The following SLC2A9 variants were observed in gnomAD, a reference collection of about 807,000 sequenced individuals.
The protein encoded by SLC2A9 is solute carrier family 2 member 9.
In SLC2A9, 39 loss-of-function variants were observed where a neutral mutation model predicts 50.6. The ratio of observed to expected loss-of-function variants is 0.77; its 90% CI spans 0.60 to 1.01. The LOEUF (loss-of-function observed/expected upper bound fraction) is 1.01. SLC2A9 is among the 50% of genes least tolerant of loss of function. SLC2A9 has a pLI of 0.00. For missense variants in SLC2A9, 686 were observed against 677.6 expected, an observed-to-expected ratio of 1.01 and a Z score of -0.14; for synonymous variants, 324 against 276.9, an observed-to-expected ratio of 1.17 and a Z score of -1.69.
At chr4:9,936,014 C>T (rs2110215184) in intron 6 of SLC2A9, among the ~76,000 whole-genome samples, 1 of 152,300 alleles carries the variant, frequency 6.6e-6, no homozygotes, top group Non-Finnish European at 1.5e-5. Context: ...CATGGCAGCT[C>T]TTCACCCTAG....
At chr4:9,885,063 T>C (rs1342330428) in intron 10 of SLC2A9, among the ~76,000 whole-genome samples, 6 of 152,078 alleles carry the variant, frequency 3.9e-5, no homozygotes, top group African/African-American at 1.4e-4. Flanking sequence ...AAATAGCTAA[T>C]GCAGGCTGGG....
intron 10 of SLC2A9, among the ~76,000 whole-genome samples, chr4:9,836,833 G>C (rs904497330): frequency 6.6e-6 from 1 of 152,228 alleles, no homozygotes. Context: ...GGGGGGCTCA[G>C]ATCACGGCAG....
At chr4:9,839,635 C>A (rs923756802) in intron 10 of SLC2A9, among the ~76,000 whole-genome samples, 13 of 152,042 alleles carry the variant, frequency 8.6e-5, no homozygotes, top group African/African-American at 2.9e-4. Context: ...CTATGGAATA[C>A]TATGCAGCCA....
chr4:9,902,988 T>A (rs956924165), intron 8 of SLC2A9, among the ~76,000 whole-genome samples: 3 of 152,176 alleles, frequency 2.0e-5, no homozygotes, highest in Non-Finnish European at 4.4e-5. Flanking sequence ...GAGGCTTAGA[T>A]CTGTTATTAT....
At chr4:10,017,163 G>C (rs1418484635) in intron 2 of SLC2A9, among the ~76,000 whole-genome samples, 1 of 152,174 alleles carries the variant, frequency 6.6e-6, no homozygotes, top group African/African-American at 2.4e-5. Context: ...TCTCAACAAT[G>C]CTTGCTGAAT....
chr4:9,887,225 G>A lies in SLC2A9; in HGVS notation c.1291+342C>T, dbSNP rs9993652. 4.6e-4 allele frequency among the ~76,000 whole-genome samples: 70 copies of A among 152,158 alleles called. No individual in the cohort carries two copies. In the South Asian group the frequency reaches 0.013, roughly 27 times the overall value. ...TATTGCCACATCTTTCACCATAGAC[G>A]GTAACTGCTTAGGCACAGACTGTGA... On this transcript the variant is annotated intron_variant, in intron 10 of 11. Transcript: ENST00000264784.
intron 5 of SLC2A9, among the ~76,000 whole-genome samples, chr4:9,959,787 A>T (rs1471631428): frequency 6.6e-6 from 1 of 152,062 alleles, no homozygotes; most frequent in African/African-American, 2.4e-5. Flanking sequence ...TTGGTAGTGA[A>T]TCCCTGGTCT....
Position 9,853,542 on chromosome 4 carries a change from C to T in SLC2A9, c.1292-18534G>A, listed in dbSNP as rs112600375. On this transcript the variant is annotated intron_variant, in intron 10 of 11. Coordinates refer to ENST00000264784, the MANE Select transcript of SLC2A9 (RefSeq NM_020041.3). ...CTACAAGGAGACATAGGTAACCACA[C>T]AATAATAGCAGGAGATGTCAACACC... Among the ~76,000 whole-genome samples the T allele has an allele frequency of 5.5e-3, 842 of 152,238 alleles. 7 individuals are homozygous for T. Among genetic ancestry groups the T allele is most frequent in the African/African-American group, 0.019 (791 of 41,532 alleles).
chr4:9,783,552 G>T, intron 3 of SLC2A9: 1 of 1,223,018 alleles, frequency 8.2e-7, no homozygotes, highest in Non-Finnish European at 1.1e-6. Context: ...CCTTTCCAGT[G>T]CTGCTCCCTT....
intron 5 of SLC2A9, among the ~76,000 whole-genome samples, chr4:9,957,300 T>C (rs6850143): frequency 0.48 from 73,421 of 151,892 alleles, 19,101 homozygotes; most frequent in African/African-American, 0.67. Context: ...TGGAGGAGAA[T>C]CCAAACCTCC....
At chr4:9,802,570 T>A in intron 3 of SLC2A9, among the ~76,000 whole-genome samples, 1 of 150,106 alleles carries the variant, frequency 6.7e-6, no homozygotes, top group Non-Finnish European at 1.5e-5. Flanking sequence ...TTTTTTTTTT[T>A]TTTTTTTTGA....
rs16888646 is a variant in SLC2A9, at chr4:9,791,192, T to A, written n.386-11127A>T. Among the ~76,000 whole-genome samples, 930 of 152,268 alleles carry A rather than the reference T, an allele frequency of 6.1e-3. 7 individuals carry two copies. The highest frequency in any genetic ancestry group is 0.021 in the African/African-American group (883 of 41,550). On this transcript the variant is annotated intron_variant and non_coding_transcript_variant, in intron 3 of 3. Coordinates refer to the SLC2A9 transcript ENST00000503803. ...TTGTTGGCAAAATGGGAATGCAAAA[T>A]AAATAAGGAGTCTATAGTCAGTACC...
At chr4:10,031,600 G>T (rs1278021107) in intron 1 of SLC2A9, among the ~76,000 whole-genome samples, 1 of 152,222 alleles carries the variant, frequency 6.6e-6, no homozygotes, top group African/African-American at 2.4e-5. Flanking sequence ...TGCTAGAGGG[G>T]ATCCCCCAAA....
At chr4:9,777,027 T>G (rs1717655988), downstream of SLC2A9, among the ~76,000 whole-genome samples, 1 of 152,216 alleles carries the variant, frequency 6.6e-6, no homozygotes, top group African/African-American at 2.4e-5. Flanking sequence ...AAGCAGCTTT[T>G]CCCTTCAATC....
At chr4:9,998,113 C>T (rs1171997815) in intron 2 of SLC2A9, among the ~76,000 whole-genome samples, 1 of 152,148 alleles carries the variant, frequency 6.6e-6, no homozygotes, top group African/African-American at 2.4e-5. Flanking sequence ...CTCATCGCTG[C>T]CAATTCTGAT....
chr4:9,814,364 A>C (rs1723284502), intron 3 of SLC2A9, among the ~76,000 whole-genome samples: 1 of 152,360 alleles, frequency 6.6e-6, no homozygotes, highest in South Asian at 2.1e-4. Context: ...TGAATGAATT[A>C]ACCATTAATC....
intron 11 of SLC2A9, among the ~76,000 whole-genome samples, chr4:9,832,103 G>A (rs974598805): frequency 1.3e-5 from 2 of 152,198 alleles, no homozygotes; most frequent in Admixed American, 6.5e-5. Flanking sequence ...ATGGCGGCCC[G>A]AGGCCCGAGT....
At chr4:9,876,410 T>C (rs953053813) in intron 10 of SLC2A9, among the ~76,000 whole-genome samples, 1 of 152,038 alleles carries the variant, frequency 6.6e-6, no homozygotes, top group East Asian at 1.9e-4. Context: ...TTGGGAAACA[T>C]AGCAAGACTC....
chr4:9,920,967 A>G (rs1401650954), intron 6 of SLC2A9, among the ~76,000 whole-genome samples: 1 of 152,128 alleles, frequency 6.6e-6, no homozygotes, highest in Non-Finnish European at 1.5e-5. Flanking sequence ...TATACATTCA[A>G]CCATGGCTCG....
Sources: gnomAD v4.1 joint callset for allele counts (sites outside exome capture counted in the v4.1 genomes callset) on GRCh38, gnomAD v4.1.1 for gene constraint, MANE v1.5 for transcripts, NCBI Gene and HGNC (gene_info 2026-07-23, HGNC 2026-07-21) for gene names.